Variants in LHFPL3 observed in about 807,000 individuals in gnomAD.
LHFPL3 encodes the protein LHFPL tetraspan subfamily member 3 protein.
A neutral mutation model predicts 19.3 loss-of-function variants in LHFPL3; 5 were observed. The observed-to-expected ratio is 0.26, with a 90% CI of 0.14 to 0.54. The LOEUF is 0.54. Ranked by LOEUF, LHFPL3 falls within the 20% of genes least tolerant of loss-of-function variation. The pLI, the probability that LHFPL3 is intolerant of heterozygous loss-of-function variation, is 0.94. For synonymous variants in LHFPL3, 133 were observed against 126.2 expected, an observed-to-expected ratio of 1.05 and a Z score of -0.36; for missense variants, 249 against 307.4, an observed-to-expected ratio of 0.81 and a Z score of 1.42.
At chr7:104,903,063 T>C (rs2116733490) in intron 2 of LHFPL3, among the ~76,000 whole-genome samples, 1 of 152,196 alleles carries the variant, frequency 6.6e-6, no homozygotes, top group East Asian at 1.9e-4. Context: ...CCCCTCTACC[T>C]CCCGCAGGTA....
chr7:104,328,803 C>A lies in LHFPL3; in HGVS notation c.24C>A (p.Ala8=), dbSNP rs781619788. ...GAATGCCCGGAGCCGCCGCCGCTGC[C>A]GCCGCCGCCGCCGCCGCGATGCTCC... The part of the protein sequence containing the change: MPGAAAA[A]AAAAAAMLPA... The change falls in exon 1 of 3, where the codon GCC becomes GCA. Residue 8 remains alanine, a synonymous_variant. Transcript: ENST00000424859. The surrounding 1 kb of genome is among the most constrained non-coding windows in gnomAD (Gnocchi z 4.6). 3.4e-6 allele frequency: 5 copies of A among 1,475,006 alleles called. No homozygotes were observed. The highest frequency in any genetic ancestry group is 1.8e-4 in the Middle Eastern group (1 of 5,626). The allele number at this position is 1,475,006 out of a possible 1,614,324, so 91.4% of individuals were successfully genotyped here. A position where few individuals can be genotyped will look rare whatever the true frequency, so the allele number is the denominator to read the frequency against.
chr7:104,606,522 G>A (rs76980884), intron 1 of LHFPL3, among the ~76,000 whole-genome samples: 4,836 of 152,226 alleles, frequency 0.032, 272 homozygotes, highest in African/African-American at 0.11. Context: ...AAAAAGTGAA[G>A]ATAATGATAA....
chr7:104,583,013 T>C (rs1401579383), intron 1 of LHFPL3, among the ~76,000 whole-genome samples: 2 of 152,024 alleles, frequency 1.3e-5, no homozygotes, highest in African/African-American at 4.8e-5. Flanking sequence ...GGAATATCCA[T>C]GTTCCCCCTT....
At position 104,578,861 on chromosome 7, in the gene LHFPL3, C is replaced by CTAAGACCATACTTAACTA. The variant is rs1325780677; in HGVS notation, c.446-157813_446-157796dup. ...CTCACTTGTATCGAGAGTGGTCAGTCTAAGACCATACTTAACTACTTCTAA... is the reference window on the plus strand; with the variant it reads ...CTCACTTGTATCGAGAGTGGTCAGTCTAAGACCATACTTAACTATAAGACCATACTTAACTACTTCTAA... On this transcript the variant is annotated intron_variant, in intron 1 of 2. Coordinates refer to ENST00000424859, the MANE Select transcript of LHFPL3 (RefSeq NM_199000.3). Among the ~76,000 whole-genome samples the CTAAGACCATACTTAACTA allele has an allele frequency of 7.4e-4, 112 of 152,292 alleles. 1 individual carries two copies. Among genetic ancestry groups the CTAAGACCATACTTAACTA allele is most frequent in the Admixed American group, 7.3e-3 (111 of 15,290 alleles).
rs7784215 is a variant in LHFPL3 at position 104,866,641 on chromosome 7, C to G, written c.683-39546C>G. Among the ~76,000 whole-genome samples, 719 of 152,230 alleles carry G rather than the reference C, an allele frequency of 4.7e-3. 5 individuals carry two copies. The highest frequency in any genetic ancestry group is 0.017 in the African/African-American group (686 of 41,524). On this transcript the variant is annotated intron_variant, in intron 2 of 2. Transcript: ENST00000424859. ...CAATAATAATGGGAAACTTTACCAC[C>G]CCACTGTCAACATTAGACAGATCAA... is the stretch of plus-strand genomic sequence containing the variant.
chr7:104,378,743 T>C (rs529008131), intron 1 of LHFPL3, among the ~76,000 whole-genome samples: 7 of 152,318 alleles, frequency 4.6e-5, no homozygotes, highest in African/African-American at 1.7e-4. Flanking sequence ...GTCTTATGAC[T>C]AGTGATGATG....
Position 104,778,815 on chromosome 7 carries a change from C to T in LHFPL3, c.682+41904C>T, listed in dbSNP as rs76471904. Among the ~76,000 whole-genome samples, 85 of 152,300 alleles carry T rather than the reference C, an allele frequency of 5.6e-4. 2 individuals are homozygous for T. In the East Asian group the frequency reaches 0.014, roughly 25 times the overall value. Reference sequence around the variant, plus strand: ...CATAGTCAGCAACCATTCTGTGTTTCGGCATCCTCTTCTCTAAAATGGAGA... The same window carrying T: ...CATAGTCAGCAACCATTCTGTGTTTTGGCATCCTCTTCTCTAAAATGGAGA... On this transcript the variant is annotated intron_variant, in intron 2 of 2. Transcript: ENST00000424859.
chr7:104,505,297 C>T (rs1266783923), intron 1 of LHFPL3, among the ~76,000 whole-genome samples: 1 of 152,200 alleles, frequency 6.6e-6, no homozygotes, highest in African/African-American at 2.4e-5. Flanking sequence ...ACCTGGGCTG[C>T]ATTTATTTTT....
At chr7:104,594,655 C>A (rs1432223098) in intron 1 of LHFPL3, among the ~76,000 whole-genome samples, 1 of 152,172 alleles carries the variant, frequency 6.6e-6, no homozygotes, top group African/African-American at 2.4e-5. Flanking sequence ...TCCATTCTCC[C>A]CATCACTTTC....
chr7:104,556,650 T>C (rs1166565869), intron 1 of LHFPL3, among the ~76,000 whole-genome samples: 1 of 152,234 alleles, frequency 6.6e-6, no homozygotes, highest in East Asian at 1.9e-4. Flanking sequence ...GGAGACATTT[T>C]CCCCATTGTC....
At chr7:104,646,143 T>C (rs1791929652) in intron 1 of LHFPL3, among the ~76,000 whole-genome samples, 1 of 152,130 alleles carries the variant, frequency 6.6e-6, no homozygotes. Context: ...GAGCCTCATT[T>C]CCCAGATTAC....
At chr7:104,461,932 G>C (rs11768522) in intron 1 of LHFPL3, among the ~76,000 whole-genome samples, 1 of 151,714 alleles carries the variant, frequency 6.6e-6, no homozygotes, top group Non-Finnish European at 1.5e-5. Flanking sequence ...TTTCTTTGAG[G>C]AGTGTTTTGT....
chr7:104,736,304 G>C (rs1793816642), intron 1 of LHFPL3, among the ~76,000 whole-genome samples: 1 of 152,046 alleles, frequency 6.6e-6, no homozygotes, highest in African/African-American at 2.4e-5. Flanking sequence ...TTGTTATTTT[G>C]CAGTGTTATG....
At chr7:104,417,392 A>T (rs1478808863) in intron 1 of LHFPL3, among the ~76,000 whole-genome samples, 2 of 152,180 alleles carry the variant, frequency 1.3e-5, no homozygotes, top group African/African-American at 4.8e-5. Context: ...AGTGATTTTT[A>T]AAAGTTTCTT....
At chr7:104,670,555 C>A (rs920769050) in intron 1 of LHFPL3, among the ~76,000 whole-genome samples, 2 of 152,194 alleles carry the variant, frequency 1.3e-5, no homozygotes, top group African/African-American at 4.8e-5. Flanking sequence ...ATGTCTTGGG[C>A]ATTTTCTCTC....
At chr7:104,822,442 G>A (rs1391097482) in intron 2 of LHFPL3, among the ~76,000 whole-genome samples, 3 of 152,110 alleles carry the variant, frequency 2.0e-5, no homozygotes, top group African/African-American at 7.2e-5. Context: ...CACCACTATT[G>A]ACATTATGGA....
chr7:104,546,962 C>G (rs1249250265), intron 1 of LHFPL3, among the ~76,000 whole-genome samples: 1 of 25,682 alleles, frequency 3.9e-5, no homozygotes, highest in Non-Finnish European at 1.0e-4. Flanking sequence ...CAAGGCCGGG[C>G]GCGGTGGCTC....
At chr7:104,830,149 A>G (rs530588740) in intron 2 of LHFPL3, among the ~76,000 whole-genome samples, 10 of 152,002 alleles carry the variant, frequency 6.6e-5, no homozygotes, top group African/African-American at 2.4e-4. Context: ...GTGTCTCTTC[A>G]TATCCTTTGC....
At chr7:104,812,768 C>T (rs533122455) in intron 2 of LHFPL3, among the ~76,000 whole-genome samples, 29 of 133,114 alleles carry the variant, frequency 2.2e-4, no homozygotes, top group Non-Finnish European at 3.8e-4. Flanking sequence ...CGCACCACTG[C>T]ACTCCAGCCT....
Sources: gnomAD v4.1 joint callset for allele counts (sites outside exome capture counted in the v4.1 genomes callset) on GRCh38, gnomAD v4.1.1 for gene constraint, Gnocchi (gnomAD v3.1) non-coding constraint, MANE v1.5 for transcripts, NCBI Gene and HGNC (gene_info 2026-07-23, HGNC 2026-07-21) for gene names.